CCSER1: variants seen among roughly 807,000 people sequenced by gnomAD.
CCSER1 encodes serine-rich coiled-coil domain-containing protein 1.
In CCSER1, 41 loss-of-function variants were observed where a neutral mutation model predicts 82.0. The observed-to-expected ratio is 0.50, with a 90% CI of 0.39 to 0.65. CCSER1 has a LOEUF of 0.65. Ranked by LOEUF, CCSER1 falls within the 30% of genes least tolerant of loss-of-function variation. The pLI is 0.00. For synonymous variants in CCSER1, 414 were observed against 383.9 expected (o/e 1.08, Z -0.92); for missense variants, 1,119 against 1,064.2 (o/e 1.05, Z -0.72).
At chr4:90,965,494 A>G (rs1256552928) in intron 9 of CCSER1, among the ~76,000 whole-genome samples, 1 of 152,190 alleles carries the variant, frequency 6.6e-6, no homozygotes, top group African/African-American at 2.4e-5. Context: ...CAATACATAC[A>G]CAAAACCAAT....
chr4:91,490,957 A>G (rs1758508619), intron 10 of CCSER1, among the ~76,000 whole-genome samples: 1 of 118,750 alleles, frequency 8.4e-6, no homozygotes, highest in Non-Finnish European at 1.7e-5. Flanking sequence ...TACCCATAAA[A>G]ATTAAAAATT....
In CCSER1 at chr4:91,116,191, A is replaced by G. The variant is rs62312246; in HGVS notation, c.2217+30197A>G. Among the ~76,000 whole-genome samples, 395 of 152,288 alleles carry G rather than the reference A, an allele frequency of 2.6e-3. 1 individual carries two copies. The highest frequency in any genetic ancestry group is 5.0e-3 in the Non-Finnish European group (340 of 68,036). ...ACCAACCCAAATGTTCAACAATGAT[A>G]GACTGGATTAAGAAAATGTGGCACA... is the stretch of plus-strand genomic sequence containing the variant. On this transcript the variant is annotated intron_variant, in intron 10 of 10. Coordinates refer to ENST00000509176, the MANE Select transcript of CCSER1 (RefSeq NM_001145065.2).
Position 90,645,921 on chromosome 4 carries a change from A to G in CCSER1, c.1932+17689A>G, listed in dbSNP as rs574412556. Among the ~76,000 whole-genome samples the G allele has an allele frequency of 6.6e-5, 10 of 152,324 alleles. No homozygotes were observed. The South Asian group carries it at 2.1e-3, about 32-fold the overall frequency. ...CCGGAAAGATAATTGAAAACGCTAA[A>G]TAATCTTGAATTGTTTCTTCTGAAT... On this transcript the variant is annotated intron_variant, in intron 6 of 10. Transcript: ENST00000509176.
At chr4:90,443,356 C>A (rs1460597815) in intron 4 of CCSER1, among the ~76,000 whole-genome samples, 1 of 152,060 alleles carries the variant, frequency 6.6e-6, no homozygotes, top group Non-Finnish European at 1.5e-5. Context: ...CACTGAGATA[C>A]TACCACAGTC....
chr4:91,407,842 C>T (rs1367511029), intron 10 of CCSER1, among the ~76,000 whole-genome samples: 3 of 152,174 alleles, frequency 2.0e-5, no homozygotes, highest in Admixed American at 6.5e-5. Flanking sequence ...CCACTTCCAA[C>T]ACTGGGGATG....
At chr4:91,558,791 C>T (rs1168938865) in intron 10 of CCSER1, among the ~76,000 whole-genome samples, 1 of 151,550 alleles carries the variant, frequency 6.6e-6, no homozygotes, top group African/African-American at 2.4e-5. Flanking sequence ...TCAATTACAT[C>T]CCCCTGGGTC....
intron 10 of CCSER1, among the ~76,000 whole-genome samples, chr4:91,559,615 A>C (rs2110248420): frequency 6.6e-6 from 1 of 151,688 alleles, no homozygotes; most frequent in Middle Eastern, 3.4e-3. Context: ...TTCATAAAAC[A>C]TAGAAACATG....
At chr4:90,911,741 G>A (rs1195478459) in intron 8 of CCSER1, among the ~76,000 whole-genome samples, 1 of 152,126 alleles carries the variant, frequency 6.6e-6, no homozygotes, top group African/African-American at 2.4e-5. Context: ...CAAGCAAAGG[G>A]GTGACAGACG....
At chr4:90,503,551 A>G (rs760698642) in intron 5 of CCSER1, among the ~76,000 whole-genome samples, 2 of 152,028 alleles carry the variant, frequency 1.3e-5, no homozygotes, top group Admixed American at 6.6e-5. Flanking sequence ...TCCTAATGCT[A>G]TCCCTCCCCA....
chr4:91,565,026 TTG>T (rs56723869), intron 10 of CCSER1, among the ~76,000 whole-genome samples: 5,117 of 130,748 alleles, frequency 0.039, 114 homozygotes, highest in African/African-American at 0.052. Context: ...GCACCTTGAG[TTG>T]TGTGTGTGTG....
chr4:90,336,046 C>T (rs1740331342), intron 3 of CCSER1, among the ~76,000 whole-genome samples: 1 of 152,166 alleles, frequency 6.6e-6, no homozygotes, highest in African/African-American at 2.4e-5. Flanking sequence ...AAACATGTTA[C>T]ATTCATAGAA....
intron 5 of CCSER1, among the ~76,000 whole-genome samples, chr4:90,490,880 T>C (rs895506258): frequency 2.0e-5 from 3 of 152,180 alleles, no homozygotes; most frequent in Non-Finnish European, 4.4e-5. Flanking sequence ...CATTGGTCTA[T>C]AGCTCTGTTT....
intron 3 of CCSER1, among the ~76,000 whole-genome samples, chr4:90,386,581 G>A (rs1402893325): frequency 6.6e-6 from 1 of 151,812 alleles, no homozygotes; most frequent in African/African-American, 2.4e-5. Context: ...AAACTCTTCA[G>A]GACAATGACC....
At chr4:90,717,743 CAT>C (rs72440111) in intron 6 of CCSER1, among the ~76,000 whole-genome samples, 27,488 of 144,974 alleles carry the variant, frequency 0.19, 2,573 homozygotes, top group East Asian at 0.27. Flanking sequence ...TATATATACA[CAT>C]ATATATATAT....
chr4:90,559,680 G>A (rs970608527), intron 5 of CCSER1, among the ~76,000 whole-genome samples: 19 of 151,538 alleles, frequency 1.3e-4, no homozygotes, highest in African/African-American at 4.4e-4. Flanking sequence ...AGAAATAGCC[G>A]GCCATTGTAG....
At chr4:90,783,059 A>G (rs1484963130) in intron 7 of CCSER1, among the ~76,000 whole-genome samples, 2 of 152,050 alleles carry the variant, frequency 1.3e-5, no homozygotes, top group Non-Finnish European at 2.9e-5. Flanking sequence ...CTCCTGCCTC[A>G]GCCTCCCGAA....
chr4:91,220,063 A>T (rs939059262), intron 10 of CCSER1, among the ~76,000 whole-genome samples: 1 of 152,150 alleles, frequency 6.6e-6, no homozygotes, highest in Non-Finnish European at 1.5e-5. Flanking sequence ...CCTTTTGACC[A>T]CTTCCCTCCC....
intron 10 of CCSER1, among the ~76,000 whole-genome samples, chr4:91,591,614 T>A (rs73836288): frequency 0.11 from 16,585 of 152,148 alleles, 929 homozygotes; most frequent in Middle Eastern, 0.18. Flanking sequence ...ACCAAAATTT[T>A]TTATTTTTAT....
intron 10 of CCSER1, among the ~76,000 whole-genome samples, chr4:91,131,025 G>A (rs1727942002): frequency 6.6e-6 from 1 of 151,698 alleles, no homozygotes; most frequent in African/African-American, 2.4e-5. Flanking sequence ...GTATATGTTT[G>A]CATGTATATT....
Sources: allele counts gnomAD v4.1 joint callset (sites outside exome capture counted in the v4.1 genomes callset), GRCh38; gene constraint gnomAD v4.1.1; transcripts MANE v1.5; gene names NCBI Gene and HGNC (gene_info 2026-07-23, HGNC 2026-07-21).